ADAM7: variants seen among roughly 807,000 people sequenced by gnomAD.
ADAM7 encodes the protein disintegrin and metalloproteinase domain-containing protein 7.
In ADAM7, 97 loss-of-function variants were observed where a neutral mutation model predicts 102.9. That is an observed-to-expected ratio of 0.94 (90% CI 0.80 to 1.12). The LOEUF (loss-of-function observed/expected upper bound fraction) is 1.12, where lower values mean the gene tolerates loss of function less well. ADAM7 is among the 50% of genes most tolerant of loss of function. The pLI, the probability that ADAM7 is intolerant of heterozygous loss-of-function variation, is 0.00. For synonymous variants in ADAM7, 334 were observed against 304.4 expected, an observed-to-expected ratio of 1.10 and a Z score of -1.01; for missense variants, 991 against 908.7, an observed-to-expected ratio of 1.09 and a Z score of -1.16.
At position 24,490,582 on chromosome 8, in the gene ADAM7, C is replaced by A. The variant is rs539929943; in HGVS notation, c.1267-217C>A. 37 of 495,788 alleles carry A rather than the reference C, an allele frequency of 7.5e-5. No homozygotes were observed. In the East Asian group the frequency reaches 1.1e-3, roughly 15 times the overall value. The allele number at this position is 495,788 out of a possible 1,614,324, so 30.7% of individuals were successfully genotyped here. A position where few individuals can be genotyped will look rare whatever the true frequency, so the allele number is the denominator to read the frequency against. On this transcript the variant is annotated intron_variant, in intron 12 of 21. Transcript: ENST00000175238. ...CTCTCTAATTCTGTCAATGAGAATC[C>A]ATTACCCGTAATGTACCAAACAGCA...
Position 24,457,907 on chromosome 8 carries a change from T to A in ADAM7, c.234-5975T>A, listed in dbSNP as rs533331605. Among the ~76,000 whole-genome samples, 3 of 151,508 alleles carry A rather than the reference T, an allele frequency of 2.0e-5. No individual in the cohort carries two copies. The South Asian group carries it at 6.3e-4, about 32-fold the overall frequency. ...GTGTGTGTGTAATTTGCTGGAGAAGTCAATATTCTTGTTTTTCCCTATTTA... is the reference window on the plus strand; with the variant it reads ...GTGTGTGTGTAATTTGCTGGAGAAGACAATATTCTTGTTTTTCCCTATTTA... On this transcript the variant is annotated intron_variant, in intron 3 of 21. Transcript: ENST00000175238.
intron 3 of ADAM7, among the ~76,000 whole-genome samples, chr8:24,458,221 G>C (rs189762378): frequency 6.6e-6 from 1 of 152,080 alleles, no homozygotes; most frequent in African/African-American, 2.4e-5. Context: ...TAAAAGGCCC[G>C]CTGCAATTTT....
At position 24,491,997 on chromosome 8, in the gene ADAM7, A is replaced by G. The variant is rs1563392820; in HGVS notation, c.1451A>G (p.Gln484Arg). The stretch of plus-strand genomic sequence containing the variant: ...CACTCGCCTGCCTGTCCTAAGGACC[A>G]GTTCAGGGTCAATGGATTTCCTTGC... Reference protein sequence around the residue: ...TGHSPACPKDQFRVNGFPCKN... With the variant: ...TGHSPACPKDRFRVNGFPCKN... Residue 484 changes from glutamine (Q) to arginine (R), a missense_variant, in exon 14 of 22, where the codon CAG (glutamine) becomes CGG (arginine). Transcript: ENST00000175238. 5 of 1,613,888 alleles carry G rather than the reference A, an allele frequency of 3.1e-6. No homozygotes were observed. Among genetic ancestry groups the G allele is most frequent in the Non-Finnish European group, 3.4e-6 (4 of 1,179,912 alleles).
At chr8:24,471,838 A>G (rs1656939374) in intron 7 of ADAM7, among the ~76,000 whole-genome samples, 1 of 152,054 alleles carries the variant, frequency 6.6e-6, no homozygotes, top group Non-Finnish European at 1.5e-5. Flanking sequence ...TAGAGTAAAT[A>G]TAACAATTAC....
rs544478529 is a variant in ADAM7 at position 24,484,802 on chromosome 8, C to CTT, written c.876-454_876-453dup. Among the ~76,000 whole-genome samples the CTT allele has an allele frequency of 5.8e-4, 53 of 91,948 alleles. 1 individual carries two copies. The highest frequency in any genetic ancestry group is 7.2e-4 in the African/African-American group (16 of 22,136). The allele number at this position is 91,948 out of a possible 152,430, so 60.3% of individuals were successfully genotyped here. A position where few individuals can be genotyped will look rare whatever the true frequency, so the allele number is the denominator to read the frequency against. On this transcript the variant is annotated intron_variant, in intron 9 of 21. Transcript: ENST00000175238. ...CAATTTCAGTGTAAGATTGCACTGG[C>CTT]TTTTTTTTTTTTTTTTTTTTTTAAT...
At position 24,508,682 on chromosome 8, in the gene ADAM7, A is replaced by G; in HGVS notation, c.*136A>G. On this transcript the variant is annotated 3_prime_UTR_variant, in exon 22 of 22. Coordinates refer to ENST00000175238, the MANE Select transcript of ADAM7 (RefSeq NM_003817.4). ...TCAAACGTTCTTTATCCAGACAGAC[A>G]ATGTTTAAGAGAAACAACTTATTTC... The G allele has an allele frequency of 2.6e-6, 4 of 1,525,322 alleles. No homozygotes were observed. The highest frequency in any genetic ancestry group is 3.5e-6 in the Non-Finnish European group (4 of 1,131,282). The allele number at this position is 1,525,322 out of a possible 1,614,324, so 94.5% of individuals were successfully genotyped here.
At chr8:24,450,862 G>T (rs540607942) in intron 3 of ADAM7, among the ~76,000 whole-genome samples, 9 of 152,242 alleles carry the variant, frequency 5.9e-5, no homozygotes, top group Non-Finnish European at 1.3e-4. Context: ...AGCATGAAGG[G>T]TTGTTGAATT....
intron 3 of ADAM7, among the ~76,000 whole-genome samples, chr8:24,457,233 C>T (rs1027561176): frequency 1.3e-5 from 2 of 152,020 alleles, no homozygotes; most frequent in Non-Finnish European, 1.5e-5. Flanking sequence ...TCTTTTTAAT[C>T]TTTAAATATT....
chr8:24,490,101 C>T (rs1172371269), intron 12 of ADAM7, among the ~76,000 whole-genome samples: 2 of 152,076 alleles, frequency 1.3e-5, no homozygotes, highest in African/African-American at 4.8e-5. Context: ...CTAGATAATG[C>T]ACAATACCAG....
chr8:24,502,574 AAATATT>A (rs559208391), intron 20 of ADAM7, among the ~76,000 whole-genome samples: 117 of 152,172 alleles, frequency 7.7e-4, no homozygotes, highest in Admixed American at 1.6e-3. Context: ...AAGATACTAT[AAATATT>A]AAGTTGATAA....
At chr8:24,500,557 T>C (rs13277877) in intron 18 of ADAM7, among the ~76,000 whole-genome samples, 43,011 of 152,040 alleles carry the variant, frequency 0.28, 6,690 homozygotes, top group South Asian at 0.4. Flanking sequence ...TTCCTGATGA[T>C]TGTGGTTCCC....
At position 24,500,865 on chromosome 8, in the gene ADAM7, G is replaced by A. The variant is rs148165644; in HGVS notation, c.2078G>A (p.Arg693Gln). The stretch of plus-strand genomic sequence containing the variant: ...GTTCTTATACTATTAGTTCGTTACC[G>A]AAAATGTATCAAGTTGAAGCAAGTT... Reference protein sequence around the residue: ...IGVLILLVRYRKCIKLKQVQS... With the variant: ...IGVLILLVRYQKCIKLKQVQS... Residue 693 changes from arginine to glutamine, a missense_variant, in exon 19 of 22, where the codon CGA (arginine) becomes CAA (glutamine). Transcript: ENST00000175238. The A allele has an allele frequency of 1.2e-4, 200 of 1,612,844 alleles. 2 individuals are homozygous for A. The African/African-American group carries it at 2.1e-3, about 17-fold the overall frequency.
At chr8:24,455,937 ATATC>A (rs1237612995) in intron 3 of ADAM7, among the ~76,000 whole-genome samples, 2 of 152,174 alleles carry the variant, frequency 1.3e-5, no homozygotes, top group Non-Finnish European at 2.9e-5. Context: ...GCTAATTAAC[ATATC>A]TATCACCTCA....
intron 3 of ADAM7, among the ~76,000 whole-genome samples, chr8:24,457,854 A>G (rs1019021667): frequency 8.7e-6 from 1 of 115,076 alleles, no homozygotes. Flanking sequence ...GTATGTGCAT[A>G]TGTGTGTGAG....
At chr8:24,501,205 T>C (rs551579377) in intron 19 of ADAM7, among the ~76,000 whole-genome samples, 108 of 152,290 alleles carry the variant, frequency 7.1e-4, no homozygotes, top group African/African-American at 2.3e-3. Flanking sequence ...TTGTAGATGA[T>C]TTAATTTTAG....
At chr8:24,485,253 A>T (rs780265327) in intron 9 of ADAM7, 24 bp from the exon 10 acceptor site, 1 of 1,601,510 alleles carries the variant, frequency 6.2e-7, no homozygotes, top group Admixed American at 1.7e-5. Context: ...CAGATTGAAG[A>T]CTATTTTTGC....
intron 11 of ADAM7, 52 bp downstream of exon 11, chr8:24,487,369 G>A (rs779696161): frequency 1.9e-6 from 3 of 1,581,684 alleles, no homozygotes; most frequent in Non-Finnish European, 2.6e-6. Context: ...GAAGTGGGCT[G>A]GGCATGGTGG....
chr8:24,498,128 G>A (rs772581447), intron 16 of ADAM7, among the ~76,000 whole-genome samples: 20 of 151,658 alleles, frequency 1.3e-4, no homozygotes, highest in Non-Finnish European at 2.4e-4. Context: ...TAAGGAGATA[G>A]GATATTAAAG....
Position 24,472,630 on chromosome 8 carries a change from T to C in ADAM7, c.634-3803T>C, listed in dbSNP as rs1819644773. ...CAGTATTTAGAAAGACATTTGTCAA[T>C]TTAAACAGTTTTATTAAGAAAAAAG... On this transcript the variant is annotated intron_variant, in intron 7 of 21. Coordinates refer to ENST00000175238, the MANE Select transcript of ADAM7 (RefSeq NM_003817.4). 5.9e-5 allele frequency among the ~76,000 whole-genome samples: 9 copies of C among 152,136 alleles called. 1 individual carries two copies. In the South Asian group the frequency reaches 1.9e-3, roughly 31 times the overall value.
Sources: allele counts gnomAD v4.1 joint callset (sites outside exome capture counted in the v4.1 genomes callset), GRCh38; gene constraint gnomAD v4.1.1; transcripts MANE v1.5; gene names NCBI Gene and HGNC (gene_info 2026-07-23, HGNC 2026-07-21).